The following CAMKK2 variants were observed in gnomAD, a reference collection of about 807,000 sequenced individuals.
CAMKK2 encodes calcium/calmodulin dependent protein kinase kinase 2, also known as calcium/calmodulin-dependent protein kinase kinase 2.
A neutral mutation model predicts 67.2 loss-of-function variants in CAMKK2; 30 were observed. That is an observed-to-expected ratio of 0.45 (90% confidence interval 0.33 to 0.61). The LOEUF is 0.61. CAMKK2 is among the 20% of genes least tolerant of loss of function. The pLI, the probability that CAMKK2 is intolerant of heterozygous loss-of-function variation, is 0.02. For synonymous variants in CAMKK2, 322 were observed against 326.2 expected (o/e 0.99, Z 0.14); for missense variants, 643 against 802.0 (o/e 0.80, Z 2.39).
At chr12:121,244,811 C>T (rs533760899) in intron 15 of CAMKK2, among the ~76,000 whole-genome samples, 196 bp from the exon 16 acceptor site, 52 of 152,350 alleles carry the variant, frequency 3.4e-4, no homozygotes, top group Non-Finnish European at 6.3e-4. Context: ...CCACACTGCT[C>T]GCCCAGCACA....
At chr12:121,243,331 T>C (rs191997057) in intron 16 of CAMKK2, among the ~76,000 whole-genome samples, 13 of 149,814 alleles carry the variant, frequency 8.7e-5, no homozygotes, top group African/African-American at 3.2e-4. Flanking sequence ...GCATCCAGCC[T>C]GCTAGTCAAT....
intron 13 of CAMKK2, among the ~76,000 whole-genome samples, chr12:121,249,211 AT>A (rs1314224118): frequency 1.3e-5 from 2 of 152,194 alleles, no homozygotes; most frequent in African/African-American, 4.8e-5. Context: ...CCAATCCATG[AT>A]TTTTTGGGCT....
chr12:121,287,138 T>G (rs1207688932), intron 1 of CAMKK2, among the ~76,000 whole-genome samples: 1 of 152,144 alleles, frequency 6.6e-6, no homozygotes, highest in Non-Finnish European at 1.5e-5. Flanking sequence ...ACTCCTGGGC[T>G]CAAGTGATCC....
chr12:121,281,216 C>G (rs1749232242), intron 1 of CAMKK2, among the ~76,000 whole-genome samples: 3 of 152,264 alleles, frequency 2.0e-5, no homozygotes, highest in Non-Finnish European at 2.9e-5. Context: ...ACGCGGGCCT[C>G]CAGGAAACAC....
intron 13 of CAMKK2, 47 bp downstream of exon 13, chr12:121,249,740 T>C (rs781450373): frequency 2.6e-6 from 4 of 1,527,200 alleles, no homozygotes; most frequent in Non-Finnish European, 3.6e-6. Flanking sequence ...GAGGCATGGC[T>C]GAGCCAAACA....
At chr12:121,247,539 G>A (rs1593281151) in intron 14 of CAMKK2, among the ~76,000 whole-genome samples, 2 of 152,268 alleles carry the variant, frequency 1.3e-5, no homozygotes, top group Middle Eastern at 3.4e-3. Flanking sequence ...AGAGTCCGAC[G>A]CCAGCTGTCT....
chr12:121,240,751 G>A lies in CAMKK2; in HGVS notation c.1715C>T (p.Ser572Phe), dbSNP rs766910933. 4 of 1,609,154 alleles carry A rather than the reference G, an allele frequency of 2.5e-6. No individual in the cohort carries two copies. The highest frequency in any genetic ancestry group is 2.2e-5 in the South Asian group (2 of 90,776). The change falls in exon 17 of 17, where the codon TCC becomes TTC. Residue 572 changes from serine to phenylalanine, a missense_variant. This residue lies in a region of CAMKK2 where 140 missense variants were observed against 124.2 expected (regional missense o/e 1.13). Coordinates refer to ENST00000404169, the MANE Select transcript of CAMKK2 (RefSeq NM_001270485.2). This position sits in a 1 kb window ranked among gnomAD's most constrained non-coding sequence, Gnocchi z 4.4. ...VESCWAPAPG[S>F]PARMHPLRPE... Reference sequence around the variant, plus strand: ...CCGCAGTGGATGCATGCGTGCGGGGGAGCCGGGGGCGGGGGCCCAGCAACT... The same window carrying A: ...CCGCAGTGGATGCATGCGTGCGGGGAAGCCGGGGGCGGGGGCCCAGCAACT...
intron 1 of CAMKK2, among the ~76,000 whole-genome samples, chr12:121,284,393 C>T (rs1423212505): frequency 2.0e-5 from 3 of 151,650 alleles, no homozygotes; most frequent in Non-Finnish European, 4.4e-5. Context: ...GGTGTGATCT[C>T]GGCTCAGCGC....
intron 9 of CAMKK2, among the ~76,000 whole-genome samples, chr12:121,254,159 G>T (rs1039680981): frequency 2.0e-5 from 3 of 152,102 alleles, no homozygotes; most frequent in African/African-American, 4.8e-5. Context: ...GACAGGCAGG[G>T]ATAAGAGATA....
chr12:121,286,884 C>T (rs1351056457), intron 1 of CAMKK2, among the ~76,000 whole-genome samples: 2 of 151,998 alleles, frequency 1.3e-5, no homozygotes, highest in African/African-American at 4.8e-5. Flanking sequence ...GAATTCACGA[C>T]CCTCAGTTGG....
At chr12:121,289,212 A>G (rs1189798209) in intron 1 of CAMKK2, among the ~76,000 whole-genome samples, 1 of 152,280 alleles carries the variant, frequency 6.6e-6, no homozygotes, top group East Asian at 1.9e-4. Flanking sequence ...AAACAAAGCA[A>G]AACTTTGGCT....
chr12:121,269,688 C>T (rs562538571), intron 3 of CAMKK2, 107 bp from the exon 4 acceptor site: 2 of 810,938 alleles, frequency 2.5e-6, no homozygotes, highest in African/African-American at 3.5e-5. Flanking sequence ...TCAAATCTGT[C>T]CCGCAACTGT....
chr12:121,254,357 C>T (rs1891422080), intron 9 of CAMKK2, among the ~76,000 whole-genome samples: 1 of 152,044 alleles, frequency 6.6e-6, no homozygotes, highest in Non-Finnish European at 1.5e-5. Context: ...ACTTGGGAGG[C>T]TGAGGCATGA....
chr12:121,271,556 C>G (rs1156620331), intron 2 of CAMKK2, among the ~76,000 whole-genome samples: 1 of 152,132 alleles, frequency 6.6e-6, no homozygotes, highest in Non-Finnish European at 1.5e-5. Flanking sequence ...AACAAGTAAT[C>G]CTTGGCTACA....
Position 121,263,869 on chromosome 12 carries a change from C to T in CAMKK2, c.696G>A (p.Gln232=). The change falls in exon 6 of 17, where the codon CAG becomes CAA. Residue 232 remains glutamine, a synonymous_variant. Transcript: ENST00000404169. ...GCIQPRGPIE[Q]VYQEIAILKK... Reference sequence around the variant, plus strand: ...TGAGGATGGCAATTTCCTGGTACACCTGCTCAATGGGGCCCCTGGGCTGGA... The same window carrying T: ...TGAGGATGGCAATTTCCTGGTACACTTGCTCAATGGGGCCCCTGGGCTGGA... 1 of 1,611,224 alleles carries T rather than the reference C, an allele frequency of 6.2e-7. No homozygotes were observed. Among genetic ancestry groups the T allele is most frequent in the Non-Finnish European group, 8.5e-7 (1 of 1,177,866 alleles).
chr12:121,241,453 G>GAGGC (rs943069468), intron 16 of CAMKK2, among the ~76,000 whole-genome samples: 102 of 152,350 alleles, frequency 6.7e-4, no homozygotes, highest in African/African-American at 2.4e-3. Flanking sequence ...GACAGAAGAG[G>GAGGC]AGGCCCCTTC....
intron 3 of CAMKK2, chr12:121,269,972 C>T (rs1266120258): frequency 5.9e-6 from 1 of 168,576 alleles, no homozygotes; most frequent in African/African-American, 2.4e-5. Context: ...ATCACTTAAA[C>T]CCGAAAGCAG....
chr12:121,272,437 A>C (rs1260027190), intron 2 of CAMKK2, among the ~76,000 whole-genome samples: 2 of 152,212 alleles, frequency 1.3e-5, no homozygotes, highest in African/African-American at 4.8e-5. Flanking sequence ...GCCATTGCTC[A>C]TAGGTCCTAG....
chr12:121,287,793 A>T (rs1335220266), intron 1 of CAMKK2, among the ~76,000 whole-genome samples: 1 of 151,906 alleles, frequency 6.6e-6, no homozygotes, highest in Non-Finnish European at 1.5e-5. Flanking sequence ...ACACAGCAAG[A>T]CCCCATCACC....
Sources: gnomAD v4.1 joint callset for allele counts (sites outside exome capture counted in the v4.1 genomes callset) on GRCh38, gnomAD v4.1.1 for gene constraint, gnomAD v4.1.1 regional missense constraint, Gnocchi (gnomAD v3.1) non-coding constraint, MANE v1.5 for transcripts, NCBI Gene and HGNC (gene_info 2026-07-23, HGNC 2026-07-21) for gene names.